SUGCT: variants seen among roughly 807,000 people sequenced by gnomAD.
SUGCT encodes succinyl-CoA:glutarate-CoA transferase, also known as succinyl-CoA:glutarate CoA-transferase.
SUGCT carries 41 observed loss-of-function variants against 55.0 expected under a neutral mutation model. The ratio of observed to expected loss-of-function variants is 0.74; its 90% CI spans 0.58 to 0.97. The LOEUF is 0.97. Ranked by LOEUF, SUGCT falls within the 50% of genes least tolerant of loss-of-function variation. The pLI is 0.00. For synonymous variants in SUGCT, 187 were observed against 200.4 expected (o/e 0.93, Z 0.56); for missense variants, 568 against 547.8 (o/e 1.04, Z -0.37).
intron 7 of SUGCT, among the ~76,000 whole-genome samples, chr7:40,251,119 A>G (rs1419823637): frequency 6.6e-6 from 1 of 152,076 alleles, no homozygotes; most frequent in Non-Finnish European, 1.5e-5. Context: ...GTGAGCCACC[A>G]TGTCCTGCCT....
At chr7:40,198,151 T>A (rs1245923749) in intron 6 of SUGCT, among the ~76,000 whole-genome samples, 1 of 152,198 alleles carries the variant, frequency 6.6e-6, no homozygotes, top group Non-Finnish European at 1.5e-5. Flanking sequence ...TATTCTATAA[T>A]CTCCTAATTC....
chr7:40,566,001 A>ACACGCGCG (rs1796124711), intron 12 of SUGCT, among the ~76,000 whole-genome samples: 6 of 142,702 alleles, frequency 4.2e-5, no homozygotes, highest in Admixed American at 2.8e-4. Flanking sequence ...ACGCACACAC[A>ACACGCGCG]CACACACACA....
intron 10 of SUGCT, among the ~76,000 whole-genome samples, chr7:40,450,318 A>G (rs1477061583): frequency 6.7e-6 from 1 of 149,118 alleles, no homozygotes. Context: ...GTATCTGTTC[A>G]TTTTTTCTGG....
At chr7:40,343,841 A>G (rs1045728936) in intron 9 of SUGCT, among the ~76,000 whole-genome samples, 1 of 152,090 alleles carries the variant, frequency 6.6e-6, no homozygotes, top group Non-Finnish European at 1.5e-5. Flanking sequence ...TATTTTTAGT[A>G]GAGACAGGGT....
At chr7:40,888,455 A>G in the SUGCT span, among the ~76,000 whole-genome samples, 9 of 152,144 alleles carry the variant, frequency 5.9e-5, no homozygotes, top group African/African-American at 1.2e-4. Context: ...ATCCAAAAAA[A>G]AAAAAAAGAA....
At chr7:40,328,670 T>G (rs765201177) in intron 9 of SUGCT, among the ~76,000 whole-genome samples, 26 of 152,196 alleles carry the variant, frequency 1.7e-4, no homozygotes, top group Admixed American at 5.2e-4. Context: ...ATCGATCATC[T>G]TGTACTGAAG....
At chr7:40,460,011 A>G (rs1193208850) in intron 11 of SUGCT, among the ~76,000 whole-genome samples, 2 of 152,056 alleles carry the variant, frequency 1.3e-5, no homozygotes, top group Non-Finnish European at 2.9e-5. Context: ...TGCTCTCATC[A>G]TGCCAATAAA....
At chr7:40,718,792 G>C (rs1288510781) in intron 12 of SUGCT, among the ~76,000 whole-genome samples, 1 of 152,056 alleles carries the variant, frequency 6.6e-6, no homozygotes, top group Admixed American at 6.6e-5. Context: ...ACTTGTGTCT[G>C]AGCCAGTGTC....
chr7:40,508,570 A>G (rs181689703), intron 12 of SUGCT, among the ~76,000 whole-genome samples: 1 of 143,904 alleles, frequency 6.9e-6, no homozygotes, highest in Non-Finnish European at 1.6e-5. Flanking sequence ...CTTGGTAGTG[A>G]TGGTGGAGGT....
intron 12 of SUGCT, among the ~76,000 whole-genome samples, chr7:40,586,248 A>G (rs1196665881): frequency 6.6e-6 from 1 of 152,206 alleles, no homozygotes; most frequent in Non-Finnish European, 1.5e-5. Flanking sequence ...AATGGAAATC[A>G]CTATGATGAT....
At chr7:41,035,831 C>T in the SUGCT span, among the ~76,000 whole-genome samples, 7 of 152,118 alleles carry the variant, frequency 4.6e-5, no homozygotes, top group Admixed American at 2.0e-4. Flanking sequence ...CCTGCACTGC[C>T]GACACCTCAC....
chr7:40,488,529 A>T (rs991612861), intron 11 of SUGCT, among the ~76,000 whole-genome samples: 2 of 152,140 alleles, frequency 1.3e-5, no homozygotes, highest in African/African-American at 4.8e-5. Flanking sequence ...TTACCATATG[A>T]GTATATTCTG....
In SUGCT at chr7:40,308,432, T is replaced by C. The variant is rs117241825; in HGVS notation, c.721-8328T>C. Among the ~76,000 whole-genome samples the C allele has an allele frequency of 4.9e-3, 741 of 152,266 alleles. 1 individual carries two copies. Among genetic ancestry groups the C allele is most frequent in the Admixed American group, 0.01 (158 of 15,294 alleles). ...ATAAAATGGGAGTTGCAATGTGACT[T>C]TATTTGCTTTCATTCATTGCCTGTT... is the stretch of plus-strand genomic sequence containing the variant. On this transcript the variant is annotated intron_variant, in intron 8 of 13. Coordinates refer to ENST00000335693, the MANE Select transcript of SUGCT (RefSeq NM_001193313.2).
At chr7:40,758,670 T>G (rs1011142816) in intron 13 of SUGCT, among the ~76,000 whole-genome samples, 1 of 152,102 alleles carries the variant, frequency 6.6e-6, no homozygotes, top group East Asian at 1.9e-4. Flanking sequence ...TGAAACCACA[T>G]CTTCATGTTG....
At chr7:40,693,708 G>A (rs1562949863) in intron 12 of SUGCT, among the ~76,000 whole-genome samples, 2 of 152,280 alleles carry the variant, frequency 1.3e-5, no homozygotes, top group Admixed American at 6.5e-5. Flanking sequence ...TCAACCTGAT[G>A]TTCAGCGTAT....
At chr7:40,242,929 ATATATTTTTTTTTTTT>A (rs1432937801) in intron 7 of SUGCT, among the ~76,000 whole-genome samples, 4 of 26,414 alleles carry the variant, frequency 1.5e-4, no homozygotes, top group African/African-American at 5.3e-4. Context: ...ATATATATAT[ATATATTTTTTTTTTTT>A]TTTTTTTTTT....
the SUGCT span, among the ~76,000 whole-genome samples, chr7:41,010,006 A>G: frequency 6.6e-6 from 1 of 152,176 alleles, no homozygotes; most frequent in Non-Finnish European, 1.5e-5. Flanking sequence ...GTGAGCCTAC[A>G]TGTGTTTGCG....
intron 8 of SUGCT, among the ~76,000 whole-genome samples, chr7:40,277,327 G>T (rs961535532): frequency 6.6e-6 from 1 of 151,862 alleles, no homozygotes; most frequent in East Asian, 1.9e-4. Flanking sequence ...GACTACAGGC[G>T]TGTGTCAAAA....
chr7:40,284,354 T>A (rs1002341899), intron 8 of SUGCT, among the ~76,000 whole-genome samples: 1 of 152,146 alleles, frequency 6.6e-6, no homozygotes, highest in Non-Finnish European at 1.5e-5. Context: ...ATGCCTGTAA[T>A]CCTAGTGCTT....
Sources: gnomAD v4.1 joint callset for allele counts (sites outside exome capture counted in the v4.1 genomes callset) on GRCh38, gnomAD v4.1.1 for gene constraint, MANE v1.5 for transcripts, NCBI Gene and HGNC (gene_info 2026-07-23, HGNC 2026-07-21) for gene names.